The following SP100 variants were observed in gnomAD, a reference collection of about 807,000 sequenced individuals.
SP100 encodes SP100 nuclear body protein.
Under a neutral mutation model 130.0 loss-of-function variants are expected in SP100, and 84 were observed. That is an observed-to-expected ratio of 0.65 (90% confidence interval 0.54 to 0.77). The LOEUF (loss-of-function observed/expected upper bound fraction) is 0.77, where lower values mean the gene tolerates loss of function less well. Ranked by LOEUF, SP100 falls within the 30% of genes least tolerant of loss-of-function variation. The pLI, the probability that SP100 is intolerant of heterozygous loss-of-function variation, is 0.00. For missense variants in SP100, 978 were observed against 1,052.2 expected (o/e 0.93, Z 0.97); for synonymous variants, 331 against 351.7 (o/e 0.94, Z 0.66).
intron 24 of SP100, among the ~76,000 whole-genome samples, chr2:230,517,963 G>A (rs926918315): frequency 1.3e-5 from 2 of 151,868 alleles, no homozygotes; most frequent in Non-Finnish European, 2.9e-5. Context: ...TTTAATTATA[G>A]CCAACTTGAT....
At chr2:230,505,269 G>A (rs1689992825) in intron 21 of SP100, among the ~76,000 whole-genome samples, 1 of 152,072 alleles carries the variant, frequency 6.6e-6, no homozygotes, top group African/African-American at 2.4e-5. Flanking sequence ...TATGTGAAAG[G>A]CCCACAAGAC....
intron 24 of SP100, among the ~76,000 whole-genome samples, chr2:230,512,523 C>T (rs574399537): frequency 6.3e-4 from 95 of 150,518 alleles, no homozygotes; most frequent in African/African-American, 2.2e-3. Context: ...CTCCTGACCT[C>T]GTGATCCACC....
At position 230,416,240 on chromosome 2, in the gene SP100, C is replaced by G; in HGVS notation, c.-57C>G. ...CAGCCACACTGCACGCAGGCTGGGCCGACTGAGGGGCTCAGAGGCCAGGCT... is the reference window on the plus strand; with the variant it reads ...CAGCCACACTGCACGCAGGCTGGGCGGACTGAGGGGCTCAGAGGCCAGGCT... On this transcript the variant is annotated 5_prime_UTR_variant, in exon 1 of 29. Coordinates refer to ENST00000340126, the MANE Select transcript of SP100 (RefSeq NM_001080391.2). The G allele has an allele frequency of 6.6e-7, 1 of 1,507,306 alleles. No individual in the cohort carries two copies. Among genetic ancestry groups the G allele is most frequent in the Non-Finnish European group, 9.2e-7 (1 of 1,088,584 alleles). 93.4% of individuals were successfully genotyped at this position (1,507,306 alleles called of 1,614,324 possible).
At chr2:230,495,327 T>C (rs1021023856) in intron 18 of SP100, among the ~76,000 whole-genome samples, 5 of 152,162 alleles carry the variant, frequency 3.3e-5, no homozygotes, top group African/African-American at 1.2e-4. Context: ...ATTTTATTTA[T>C]TTTTTTCTTT....
intron 23 of SP100, chr2:230,510,601 C>G (rs1263150845): frequency 1.5e-5 from 2 of 135,866 alleles, no homozygotes; most frequent in African/African-American, 6.0e-5. Flanking sequence ...ACCTCCACCC[C>G]CCGGGTTCAA....
chr2:230,447,701 C>T (rs1004157489), intron 5 of SP100, among the ~76,000 whole-genome samples: 4 of 152,324 alleles, frequency 2.6e-5, no homozygotes, highest in Non-Finnish European at 2.9e-5. Context: ...CTCTGGGACA[C>T]GACTCTCCTG....
At chr2:230,472,508 T>G (rs1465638713) in intron 15 of SP100, among the ~76,000 whole-genome samples, 1 of 144,632 alleles carries the variant, frequency 6.9e-6, no homozygotes, top group Non-Finnish European at 1.5e-5. Context: ...GAGGAAGTGA[T>G]AGTAGAAAGA....
chr2:230,469,827 CAGAG>C (rs1391322042), intron 14 of SP100, 184 bp from the exon 15 acceptor site: 1 of 1,496,196 alleles, frequency 6.7e-7, no homozygotes, highest in Non-Finnish European at 9.0e-7. Context: ...GCCCCAGCCT[CAGAG>C]AGGGCTCCTG....
chr2:230,469,173 A>G (rs1006402087), intron 14 of SP100, 77 bp downstream of exon 14: 1 of 909,822 alleles, frequency 1.1e-6, no homozygotes, highest in East Asian at 2.4e-5. Flanking sequence ...TTTATGTTAT[A>G]TCCTTTAAAA....
rs143021733 is a variant in SP100, at chr2:230,501,174, G to A, written c.1721-1892G>A. Among the ~76,000 whole-genome samples, 318 of 152,232 alleles carry A rather than the reference G, an allele frequency of 2.1e-3. 1 individual carries two copies. The highest frequency in any genetic ancestry group is 6.9e-3 in the African/African-American group (287 of 41,510). On this transcript the variant is annotated intron_variant, in intron 19 of 28. Transcript: ENST00000340126. ...GGAAAATCACTTGAACCTGGGAGGT[G>A]GAGGTTGCAGCCAGCCGAGATCCGT...
intron 17 of SP100, among the ~76,000 whole-genome samples, chr2:230,485,875 G>A (rs1487135447): frequency 6.6e-6 from 1 of 152,010 alleles, no homozygotes; most frequent in Non-Finnish European, 1.5e-5. Context: ...CTAGGGATTT[G>A]GGTTTTTTAA....
intron 17 of SP100, among the ~76,000 whole-genome samples, chr2:230,493,036 G>A (rs1346452616): frequency 2.0e-5 from 3 of 152,022 alleles, no homozygotes; most frequent in African/African-American, 7.3e-5. Flanking sequence ...TCTCAGTGTT[G>A]GCTGTTTTGG....
chr2:230,502,518 T>C (rs1456676814), intron 19 of SP100, among the ~76,000 whole-genome samples: 1 of 152,204 alleles, frequency 6.6e-6, no homozygotes, highest in African/African-American at 2.4e-5. Flanking sequence ...GCCTATTTAA[T>C]AGATTTTGTT....
chr2:230,528,446 A>G (rs1490497218), intron 24 of SP100, among the ~76,000 whole-genome samples: 1 of 152,248 alleles, frequency 6.6e-6, no homozygotes, highest in Non-Finnish European at 1.5e-5. Context: ...AGGGAAATTT[A>G]TAGCACTAAA....
At chr2:230,536,634 C>T (rs1691953409) in intron 24 of SP100, among the ~76,000 whole-genome samples, 1 of 152,158 alleles carries the variant, frequency 6.6e-6, no homozygotes, top group South Asian at 2.1e-4. Flanking sequence ...CTCCCTAATT[C>T]CTGCTTCCCT....
chr2:230,466,982 T>C, intron 12 of SP100, 138 bp from the exon 13 acceptor site: 1 of 582,508 alleles, frequency 1.7e-6, no homozygotes, highest in African/African-American at 2.6e-5. Flanking sequence ...ATCATGGAGG[T>C]TTGAGGCACG....
chr2:230,502,540 G>A (rs1401653674), intron 19 of SP100, among the ~76,000 whole-genome samples: 1 of 152,182 alleles, frequency 6.6e-6, no homozygotes, highest in Non-Finnish European at 1.5e-5. Context: ...TAAAGATGAA[G>A]TCGGTTAATA....
intron 24 of SP100, chr2:230,538,603 T>A (rs1162859728): frequency 6.6e-6 from 1 of 152,254 alleles, no homozygotes; most frequent in African/African-American, 2.4e-5. Flanking sequence ...CTTTGTATAG[T>A]GACTTTGTAG....
At position 230,545,204 on chromosome 2, in the gene SP100, TG is replaced by T. The variant is rs1296855752; in HGVS notation, c.*2260del. On this transcript the variant is annotated 3_prime_UTR_variant, in exon 29 of 29. Transcript: ENST00000340126. ...ACCTAAGTGCCCATCAGTAACAGATTGGATAAAGAAAATATGGTACACATAC... is the reference window on the plus strand; with the variant it reads ...ACCTAAGTGCCCATCAGTAACAGATTGATAAAGAAAATATGGTACACATAC... 1.3e-5 allele frequency among the ~76,000 whole-genome samples: 2 copies of T among 152,192 alleles called. No individual in the cohort carries two copies. Among genetic ancestry groups the T allele is most frequent in the Non-Finnish European group, 2.9e-5 (2 of 68,038 alleles).
Sources: allele counts gnomAD v4.1 joint callset (sites outside exome capture counted in the v4.1 genomes callset), GRCh38; gene constraint gnomAD v4.1.1; transcripts MANE v1.5; gene names NCBI Gene and HGNC (gene_info 2026-07-23, HGNC 2026-07-21).